Variants in CTCFL observed in about 807,000 individuals in gnomAD.
CTCFL encodes CCCTC-binding factor like.
CTCFL carries 36 observed loss-of-function variants against 67.4 expected under a neutral mutation model. The ratio of observed to expected loss-of-function variants is 0.53; its 90% confidence interval spans 0.41 to 0.71. The LOEUF (loss-of-function observed/expected upper bound fraction) is 0.71. CTCFL is among the 30% of genes least tolerant of loss of function. CTCFL has a pLI of 0.00. For missense variants in CTCFL, 786 were observed against 835.2 expected (o/e 0.94, Z 0.73); for synonymous variants, 324 against 302.3 (o/e 1.07, Z -0.75).
chr20:57,517,641 C>T (rs2069025383), intron 5 of CTCFL, among the ~76,000 whole-genome samples: 1 of 152,052 alleles, frequency 6.6e-6, no homozygotes, highest in Non-Finnish European at 1.5e-5. Context: ...GTTCCTGCTG[C>T]CATTTTTGTC....
At chr20:57,509,151 G>GCAAAT (rs1223124405) in intron 8 of CTCFL, among the ~76,000 whole-genome samples, 1 of 152,144 alleles carries the variant, frequency 6.6e-6, no homozygotes, top group African/African-American at 2.4e-5. Context: ...TTTACAAAGG[G>GCAAAT]CAAATAGAAC....
intron 5 of CTCFL, among the ~76,000 whole-genome samples, chr20:57,516,696 G>A (rs1033879723): frequency 6.6e-6 from 1 of 152,210 alleles, no homozygotes; most frequent in African/African-American, 2.4e-5. Context: ...TTCAGCATTG[G>A]TGCCATGTGA....
rs748219015 is a variant in CTCFL at position 57,514,599 on chromosome 20, G to A, written c.1323C>T (p.Ser441=). 3.1e-6 allele frequency: 5 copies of A among 1,614,078 alleles called. No homozygotes were observed. Among genetic ancestry groups the A allele is most frequent in the East Asian group, 2.2e-5 (1 of 44,894 alleles). The change falls in exon 7 of 11, where the codon AGC becomes AGT. Residue 441 remains serine (S), a synonymous_variant. Coordinates refer to ENST00000243914, the MANE Select transcript of CTCFL (RefSeq NM_001386993.1). The part of the protein sequence containing the change: ...PHCATIIARK[S]DLRVHMRNLH... ...GATCGCTAAACCACTCACGTAGGTC[G>A]CTTTTCCGTGCAATGATGGTGGCAC...
intron 1 of CTCFL, chr20:57,524,752 A>T (rs2069731873): frequency 1.0e-6 from 1 of 987,342 alleles, no homozygotes; most frequent in African/African-American, 1.7e-5. Flanking sequence ...TAGCACCCTC[A>T]GAGCCAGGCA....
At chr20:57,496,357 C>A, downstream of CTCFL, 1 of 637,766 alleles carries the variant, frequency 1.6e-6, no homozygotes, top group Non-Finnish European at 2.9e-6. Context: ...CCTGTACAGC[C>A]TGCGGAACTA....
Position 57,508,923 on chromosome 20 carries a change from C to G in CTCFL, c.1492-135G>C, listed in dbSNP as rs542745691. 2.5e-5 allele frequency: 20 copies of G among 798,082 alleles called. No homozygotes were observed. In the South Asian group the frequency reaches 3.5e-4, roughly 14 times the overall value. The allele number at this position is 798,082 out of a possible 1,614,324, so 49.4% of individuals were successfully genotyped here. ...CTATTAAGCAGAATTACTGCAAACA[C>G]ATTCTGAACAAGGCAGCATTCACTC... On this transcript the variant is annotated intron_variant, in intron 8 of 10. Transcript: ENST00000243914.
upstream of CTCFL, chr20:57,525,356 G>A (rs111878400): frequency 0.013 from 1,675 of 127,934 alleles, 37 homozygotes; most frequent in Non-Finnish European, 0.022. Flanking sequence ...ACAGGGCACT[G>A]GGAGACCTGG....
At chr20:57,515,025 A>C (rs2068817281) in intron 6 of CTCFL, 1 of 411,298 alleles carries the variant, frequency 2.4e-6, no homozygotes, top group Admixed American at 4.0e-5. Context: ...ACCAAGAAGT[A>C]CACATAAATG....
At chr20:57,507,369 T>C (rs1032115426) in intron 9 of CTCFL, 4 of 571,126 alleles carry the variant, frequency 7.0e-6, no homozygotes, top group Admixed American at 6.1e-5. Context: ...TTTCTTTTTT[T>C]TTTTTTAAAG....
rs1212040456 is a variant in CTCFL, at chr20:57,497,420, G to C, written c.*1130C>G. On this transcript the variant is annotated 3_prime_UTR_variant, in exon 11 of 11. Transcript: ENST00000243914. ...GAACTTGTGATATTTTCAATAAAAG[G>C]TCCATATCTTAAGAATTTGAATTTA... is the stretch of plus-strand genomic sequence containing the variant. 1.0e-6 allele frequency: 1 copy of C among 984,974 alleles called. No homozygotes were observed. The highest frequency in any genetic ancestry group is 1.7e-5 in the African/African-American group (1 of 57,198). 61.0% of individuals were successfully genotyped at this position (984,974 alleles called of 1,614,324 possible).
At position 57,524,117 on chromosome 20, in the gene CTCFL, T is replaced by A. The variant is rs764555270; in HGVS notation, c.89A>T (p.Glu30Val). Residue 30 changes from glutamate to valine, a missense_variant, in exon 2 of 11, where the codon GAG (glutamate) becomes GTG (valine). By Grantham distance (121) the Glu-to-Val change is moderately radical. Coordinates refer to ENST00000243914, the MANE Select transcript of CTCFL (RefSeq NM_001386993.1). ...CTCTCTGCACACTCCGTCTTTTTCC[T>A]CCTCCTTCAGGCCTTTTTCCGGCAT... Reference protein sequence around the residue: ...ELMPEKGLKEEEKDGVCREKD... With the variant: ...ELMPEKGLKEVEKDGVCREKD... 20 of 1,613,554 alleles carry A rather than the reference T, an allele frequency of 1.2e-5. No homozygotes were observed. The Admixed American group carries it at 3.3e-4, about 27-fold the overall frequency.
At chr20:57,503,406 G>T (rs748244046) in intron 10 of CTCFL, 30 bp downstream of exon 10, 20 of 1,612,732 alleles carry the variant, frequency 1.2e-5, no homozygotes, top group Non-Finnish European at 1.7e-5. Flanking sequence ...TCACTGAGGC[G>T]GTAAAAACAA....
chr20:57,513,951 C>T lies in CTCFL; in HGVS notation c.1330+641G>A, dbSNP rs2068728762. 2.2e-5 allele frequency: 27 copies of T among 1,221,546 alleles called. No homozygotes were observed. The South Asian group carries it at 3.5e-4, about 16-fold the overall frequency. 75.7% of individuals were successfully genotyped at this position (1,221,546 alleles called of 1,614,324 possible). ...TGCTCAACACTGGCTGGCTTCCCCA[C>T]AGGCAGTATCAAATCCCAGCTCCTA... On this transcript the variant is annotated intron_variant, in intron 7 of 10. Transcript: ENST00000243914.
chr20:57,498,728 A>C (rs2067768775), intron 10 of CTCFL, 27 bp from the exon 11 acceptor site: 1 of 1,586,460 alleles, frequency 6.3e-7, no homozygotes, highest in Non-Finnish European at 8.6e-7. Context: ...GGATGAGCAA[A>C]TTTATCAGAA....
rs976507920 is a variant in CTCFL at position 57,514,649 on chromosome 20, C to T, written c.1273G>A (p.Val425Ile). 1.2e-6 allele frequency: 2 copies of T among 1,614,200 alleles called. No individual in the cohort carries two copies. The highest frequency in any genetic ancestry group is 1.7e-6 in the Non-Finnish European group (2 of 1,180,022). The change falls in exon 7 of 11, where the codon GTC becomes ATC. Residue 425 changes from valine to isoleucine, a missense_variant. By Grantham distance (29) the Val-to-Ile change is conservative. This residue lies in a region of CTCFL where 254 missense variants were observed against 333.9 expected (regional missense o/e 0.76). Transcript: ENST00000243914. ...IHILQKHGEN[V>I]PKYQCPHCAT... is the part of the protein sequence containing the mutation. ...CAATGGGGACACTGGTATTTGGGGACATTTTCGCCGTGTTTCTGCAGAATA... is the reference window on the plus strand; with the variant it reads ...CAATGGGGACACTGGTATTTGGGGATATTTTCGCCGTGTTTCTGCAGAATA...
At chr20:57,498,755 T>C in intron 10 of CTCFL, 54 bp from the exon 11 acceptor site, 1 of 1,504,650 alleles carries the variant, frequency 6.6e-7, no homozygotes, top group Non-Finnish European at 9.1e-7. Context: ...GGAATTGGAA[T>C]TTATAAACTG....
intron 5 of CTCFL, among the ~76,000 whole-genome samples, chr20:57,517,193 A>T (rs1386812249): frequency 1.3e-5 from 2 of 152,086 alleles, no homozygotes; most frequent in East Asian, 3.9e-4. Flanking sequence ...TTTGAGGAGG[A>T]TAAGTGGTGT....
chr20:57,523,941 A>G lies in CTCFL; in HGVS notation c.265T>C (p.Ser89Pro). 1 of 1,613,104 alleles carries G rather than the reference A, an allele frequency of 6.2e-7. No individual in the cohort carries two copies. Among genetic ancestry groups the G allele is most frequent in the South Asian group, 1.1e-5 (1 of 91,078 alleles). Residue 89 changes from serine to proline, a missense_variant, in exon 2 of 11, where the codon TCT (serine) becomes CCT (proline). Around this residue, in one of 3 missense-constraint regions of CTCFL, gnomAD observed 333 missense variants for 304.6 expected, o/e 1.09. Coordinates refer to ENST00000243914, the MANE Select transcript of CTCFL (RefSeq NM_001386993.1). ...ATATCCTGCAACTCCACAGCTTCAG[A>G]AGTGAAGTGCACCGTCTGCAGGGTC... is the stretch of plus-strand genomic sequence containing the variant. The part of the protein sequence containing the change: ...ILTLQTVHFT[S>P]EAVELQDMSL...
In CTCFL at chr20:57,498,716, C is replaced by T; in HGVS notation, c.1841-15G>A. 1 of 1,597,612 alleles carries T rather than the reference C, an allele frequency of 6.3e-7. No homozygotes were observed. Among genetic ancestry groups the T allele is most frequent in the Non-Finnish European group, 8.5e-7 (1 of 1,171,496 alleles). On this transcript the variant is annotated splice_polypyrimidine_tract_variant and intron_variant, in intron 10 of 10. Coordinates refer to ENST00000243914, the MANE Select transcript of CTCFL (RefSeq NM_001386993.1). Reference sequence around the variant, plus strand: ...AGCAGCAGCTTCTTGAGAAAAAGTCCAGGATGAGCAAATTTATCAGAAAGC... The same window carrying T: ...AGCAGCAGCTTCTTGAGAAAAAGTCTAGGATGAGCAAATTTATCAGAAAGC...
Sources: gnomAD v4.1 joint callset for allele counts (sites outside exome capture counted in the v4.1 genomes callset) on GRCh38, gnomAD v4.1.1 for gene constraint, gnomAD v4.1.1 regional missense constraint, MANE v1.5 for transcripts, NCBI Gene and HGNC (gene_info 2026-07-23, HGNC 2026-07-21) for gene names.